Variants in FSIP2 observed in about 807,000 individuals in gnomAD.
FSIP2 encodes the protein fibrous sheath-interacting protein 2.
In FSIP2, 367 loss-of-function variants were observed where a neutral mutation model predicts 510.5. That is an observed-to-expected ratio of 0.72 (90% CI 0.66 to 0.78). The LOEUF is 0.78. Among genes scored for constraint, FSIP2 ranks in the 30% least tolerant of loss-of-function variants. The pLI is 0.00. For missense variants in FSIP2, 7,594 were observed against 7,901.7 expected (o/e 0.96, Z 1.48); for synonymous variants, 2,601 against 2,732.2 (o/e 0.95, Z 1.50).
In FSIP2 at chr2:185,739,327, C is replaced by A. The variant is rs371767106; in HGVS notation, c.100-19C>A. The A allele has an allele frequency of 3.3e-6, 5 of 1,515,088 alleles. No homozygotes were observed. The highest frequency in any genetic ancestry group is 3.5e-6 in the Non-Finnish European group (4 of 1,139,122). The allele number at this position is 1,515,088 out of a possible 1,614,324, so 93.9% of individuals were successfully genotyped here. ...ACTGCCTAAAAGGAAAGACAAAACT[C>A]TCCAATTGTGTCTGACAGGGCGTGC... is the stretch of plus-strand genomic sequence containing the variant. On this transcript the variant is annotated intron_variant, in intron 1 of 22. Coordinates refer to ENST00000424728, the MANE Select transcript of FSIP2 (RefSeq NM_173651.4).
At chr2:185,777,209 T>C (rs1019858756) in intron 13 of FSIP2, among the ~76,000 whole-genome samples, 4 of 152,294 alleles carry the variant, frequency 2.6e-5, no homozygotes, top group Admixed American at 1.3e-4. Context: ...TGCTGTAAAG[T>C]ACAGCTGAGG....
intron 13 of FSIP2, among the ~76,000 whole-genome samples, chr2:185,781,199 C>T (rs1282803487): frequency 6.6e-6 from 1 of 152,026 alleles, no homozygotes; most frequent in Non-Finnish European, 1.5e-5. Context: ...ATTCAATAGA[C>T]ACTGTATTTT....
Position 185,795,585 on chromosome 2 carries a change from T to C in FSIP2, c.8449T>C (p.Cys2817Arg), listed in dbSNP as rs1052748156. The change falls in exon 16 of 23, where the codon TGT becomes CGT. Residue 2817 changes from cysteine (C) to arginine (R), a missense_variant. Transcript: ENST00000424728. ...AGGATCCCTTCCTAAACAACAAGCA[T>C]GTTTTTACTTGGAGAATGTTTCTTC... The part of the protein sequence containing the change: ...GTGSLPKQQA[C>R]FYLENVSSQL... 1 of 1,535,144 alleles carries C rather than the reference T, an allele frequency of 6.5e-7. No individual in the cohort carries two copies. The highest frequency in any genetic ancestry group is 1.2e-5 in the South Asian group (1 of 84,036).
intron 11 of FSIP2, 62 bp downstream of exon 11, chr2:185,762,079 A>G (rs2105558307): frequency 6.4e-6 from 5 of 775,904 alleles, no homozygotes; most frequent in East Asian, 2.7e-5. Context: ...TAGTTTTATT[A>G]TATATTTTAA....
intron 12 of FSIP2, among the ~76,000 whole-genome samples, chr2:185,763,593 C>T (rs897040244): frequency 1.1e-4 from 17 of 151,350 alleles, no homozygotes; most frequent in Admixed American, 3.3e-4. Flanking sequence ...ACCTGCTGTT[C>T]GAGAGATACC....
At chr2:185,774,647 C>T (rs528835057) in intron 13 of FSIP2, among the ~76,000 whole-genome samples, 6 of 148,416 alleles carry the variant, frequency 4.0e-5, no homozygotes, top group South Asian at 4.4e-4. Flanking sequence ...TAGTTACATA[C>T]GTATACATGT....
chr2:185,803,970 T>C lies in FSIP2; in HGVS notation c.14664T>C (p.Ser4888=). Residue 4888 remains serine (S), a synonymous_variant, in exon 17 of 23, where the codon AGT becomes AGC. Transcript: ENST00000424728. Reference sequence around the variant, plus strand: ...TTACAAAAGATAAAAAGAGCATAAGTGACATACCTGTTTCAAAAATAGCGA... The same window carrying C: ...TTACAAAAGATAAAAAGAGCATAAGCGACATACCTGTTTCAAAAATAGCGA... ...QSITKDKKSI[S]DIPVSKIASF... 1 of 1,498,944 alleles carries C rather than the reference T, an allele frequency of 6.7e-7. No homozygotes were observed. Among genetic ancestry groups the C allele is most frequent in the Non-Finnish European group, 8.9e-7 (1 of 1,126,850 alleles). The allele number at this position is 1,498,944 out of a possible 1,614,324, so 92.9% of individuals were successfully genotyped here. A position where few individuals can be genotyped will look rare whatever the true frequency, so the allele number is the denominator to read the frequency against.
intron 19 of FSIP2, among the ~76,000 whole-genome samples, chr2:185,821,740 A>G (rs1398925598): frequency 6.6e-6 from 1 of 151,784 alleles, no homozygotes; most frequent in Non-Finnish European, 1.5e-5. Flanking sequence ...CCTGGGCAAC[A>G]TGGCAAAACC....
In FSIP2 at chr2:185,804,516, G is replaced by A. The variant is rs1411797283; in HGVS notation, c.15210G>A (p.Val5070=). 6.6e-7 allele frequency: 1 copy of A among 1,515,622 alleles called. No individual in the cohort carries two copies. Among genetic ancestry groups the A allele is most frequent in the Admixed American group, 2.1e-5 (1 of 47,486 alleles). 93.9% of individuals were successfully genotyped at this position (1,515,622 alleles called of 1,614,324 possible). A position where few individuals can be genotyped will look rare whatever the true frequency, so the allele number is the denominator to read the frequency against. ...LLLEEIYDYQ[V]QSLVSGELES... The stretch of plus-strand genomic sequence containing the variant: ...TGGAAGAAATATATGATTATCAAGT[G>A]CAGTCATTAGTTTCAGGAGAATTAG... The change falls in exon 17 of 23, where the codon GTG becomes GTA. Residue 5070 remains valine, a synonymous_variant. Coordinates refer to ENST00000424728, the MANE Select transcript of FSIP2 (RefSeq NM_173651.4).
chr2:185,795,876 AAT>A lies in FSIP2; in HGVS notation c.8743_8744del (p.Met2915ValfsTer7). On this transcript the variant is annotated frameshift_variant, in exon 16 of 23. Transcript: ENST00000424728. LOFTEE classifies it high-confidence loss of function. Reference sequence around the variant, plus strand: ...AGCCGAGGATACTAAAGCACAAATTAATATGTTTGGAAGGGAAATTGTTGAAA... The same window carrying A: ...AGCCGAGGATACTAAAGCACAAATTAATGTTTGGAAGGGAAATTGTTGAAA... ...TRAEDTKAQI[N>X]MFGREIVEML... 1 of 1,532,710 alleles carries A rather than the reference AAT, an allele frequency of 6.5e-7. No individual in the cohort carries two copies. Among genetic ancestry groups the A allele is most frequent in the Non-Finnish European group, 8.7e-7 (1 of 1,145,462 alleles). The allele number at this position is 1,532,710 out of a possible 1,614,324, so 94.9% of individuals were successfully genotyped here. A position where few individuals can be genotyped will look rare whatever the true frequency, so the allele number is the denominator to read the frequency against.
At position 185,794,421 on chromosome 2, in the gene FSIP2, T is replaced by A; in HGVS notation, c.7285T>A (p.Leu2429Met). Residue 2429 changes from leucine (L) to methionine (M), a missense_variant, in exon 16 of 23, where the codon TTG becomes ATG. Coordinates refer to ENST00000424728, the MANE Select transcript of FSIP2 (RefSeq NM_173651.4). ...FSQLALSNEI[L>M]LGHKEKERST... ...ACAATTAGCTTTATCAAATGAAATA[T>A]TGCTGGGTCACAAAGAGAAGGAAAG... The A allele has an allele frequency of 6.6e-7, 1 of 1,516,186 alleles. No individual in the cohort carries two copies. Among genetic ancestry groups the A allele is most frequent in the Non-Finnish European group, 8.8e-7 (1 of 1,139,614 alleles). The allele number at this position is 1,516,186 out of a possible 1,614,324, so 93.9% of individuals were successfully genotyped here.
In FSIP2 at chr2:185,824,158, G is replaced by A. The variant is rs140277956; in HGVS notation, c.20427-276G>A. ...ATGAAAAAAGTTCTGGAGCTGGATG[G>A]TAGTGATGGTTGCACAACACTGCAA... On this transcript the variant is annotated intron_variant, in intron 19 of 22. Coordinates refer to ENST00000424728, the MANE Select transcript of FSIP2 (RefSeq NM_173651.4). Among the ~76,000 whole-genome samples the A allele has an allele frequency of 1.6e-3, 250 of 151,932 alleles. 1 individual carries two copies. Among genetic ancestry groups the A allele is most frequent in the African/African-American group, 5.9e-3 (243 of 41,526 alleles).
At chr2:185,741,416 C>A (rs1691920104) in intron 2 of FSIP2, among the ~76,000 whole-genome samples, 2 of 152,160 alleles carry the variant, frequency 1.3e-5, no homozygotes, top group Non-Finnish European at 2.9e-5. Flanking sequence ...TACTCTGGCT[C>A]AAATGGGTGG....
intron 9 of FSIP2, among the ~76,000 whole-genome samples, chr2:185,758,425 C>T (rs999235826): frequency 6.6e-6 from 1 of 150,812 alleles, no homozygotes. Flanking sequence ...CATAAAATGT[C>T]GAGTAACACA....
Position 185,806,608 on chromosome 2 carries a change from C to G in FSIP2, c.17302C>G (p.Pro5768Ala). 1 of 1,608,686 alleles carries G rather than the reference C, an allele frequency of 6.2e-7. No homozygotes were observed. The highest frequency in any genetic ancestry group is 2.2e-5 in the East Asian group (1 of 44,692). ...GGAGATTAAAAGTGAACCCAGTAAA[C>G]CAGATGATCCTCAAAACCAACGAGA... is the stretch of plus-strand genomic sequence containing the variant. ...REEIKSEPSK[P>A]DDPQNQRESK... The change falls in exon 17 of 23, where the codon CCA (proline) becomes GCA (alanine). Residue 5768 changes from proline to alanine, a missense_variant. By Grantham distance (27) the Pro-to-Ala change is conservative. Transcript: ENST00000424728.
rs1417306958 is a variant in FSIP2 at position 185,796,777 on chromosome 2, T to C, written c.9641T>C (p.Val3214Ala). Reference sequence around the variant, plus strand: ...TTACCCACCTCTGTCAGATCCTCTGTAGAAGACACAGTTAAAAACTCAGAG... The same window carrying C: ...TTACCCACCTCTGTCAGATCCTCTGCAGAAGACACAGTTAAAAACTCAGAG... ...SDLPTSVRSS[V>A]EDTVKNSEPT... Residue 3214 changes from valine to alanine, a missense_variant, in exon 16 of 23, where the codon GTA becomes GCA. Val to Ala is a moderately conservative substitution (Grantham distance 64, BLOSUM62 0). Coordinates refer to ENST00000424728, the MANE Select transcript of FSIP2 (RefSeq NM_173651.4). 25 of 1,534,984 alleles carry C rather than the reference T, an allele frequency of 1.6e-5. No individual in the cohort carries two copies. Among genetic ancestry groups the C allele is most frequent in the Non-Finnish European group, 2.2e-5 (25 of 1,146,292 alleles).
chr2:185,738,782 C>G (rs1364209128), upstream of FSIP2: 1 of 1,535,808 alleles, frequency 6.5e-7, no homozygotes, highest in African/African-American at 1.4e-5. Flanking sequence ...GGGGGCGGGG[C>G]TGAGGTCGTT....
At chr2:185,739,692 C>T (rs938812967) in intron 2 of FSIP2, among the ~76,000 whole-genome samples, 2 of 152,044 alleles carry the variant, frequency 1.3e-5, no homozygotes, top group African/African-American at 4.8e-5. Flanking sequence ...GATTCTTAGT[C>T]CTTAATTAAC....
At position 185,745,484 on chromosome 2, in the gene FSIP2, A is replaced by C; in HGVS notation, c.533A>C (p.His178Pro). The change falls in exon 5 of 23, where the codon CAT (histidine) becomes CCT (proline). Residue 178 changes from histidine to proline, a missense_variant. Physicochemically the swap from His to Pro is moderately conservative, Grantham distance 77. Transcript: ENST00000424728. ...CCGGAAAACAATCAAATCCCTCAAC[A>C]TTGTGATGTTGCACAAGTCCAAAAC... ...NIPENNQIPQ[H>P]CDVAQVQNWL... 6.5e-7 allele frequency: 1 copy of C among 1,535,354 alleles called. No individual in the cohort carries two copies. Among genetic ancestry groups the C allele is most frequent in the South Asian group, 1.2e-5 (1 of 84,038 alleles).
Sources: allele counts gnomAD v4.1 joint callset (sites outside exome capture counted in the v4.1 genomes callset), GRCh38; gene constraint gnomAD v4.1.1; transcripts MANE v1.5; gene names NCBI Gene and HGNC (gene_info 2026-07-23, HGNC 2026-07-21).